RBMS3: variants seen among roughly 807,000 people sequenced by gnomAD.
The protein encoded by RBMS3 is RNA binding motif single stranded interacting protein 3.
Under a neutral mutation model 66.8 loss-of-function variants are expected in RBMS3, and 27 were observed. The observed-to-expected ratio is 0.40, with a 90% CI of 0.30 to 0.56. RBMS3 has a LOEUF of 0.56. Among genes scored for constraint, RBMS3 ranks in the 20% least tolerant of loss-of-function variants. The probability of loss-of-function intolerance (pLI) is 0.40; values close to 1 mark genes in which losing one functional copy is unlikely to be tolerated. For missense variants in RBMS3, 513 were observed against 549.5 expected (o/e 0.93, Z 0.66); for synonymous variants, 188 against 183.0 (o/e 1.03, Z -0.22).
At chr3:29,836,243 A>G (rs1576951225) in intron 6 of RBMS3, among the ~76,000 whole-genome samples, 1 of 152,092 alleles carries the variant, frequency 6.6e-6, no homozygotes, top group Non-Finnish European at 1.5e-5. Flanking sequence ...AAAGAGGATG[A>G]TGTATGTCCA....
chr3:29,677,730 T>C (rs1464049915), intron 4 of RBMS3, among the ~76,000 whole-genome samples: 1 of 152,146 alleles, frequency 6.6e-6, no homozygotes. Context: ...TTCTGGAAAA[T>C]AGGCCCTTTT....
chr3:29,668,987 C>A (rs1206148017), intron 4 of RBMS3, among the ~76,000 whole-genome samples: 4 of 152,308 alleles, frequency 2.6e-5, no homozygotes, highest in Middle Eastern at 3.4e-3. Flanking sequence ...TTGACTGATG[C>A]GTTTCCCACT....
chr3:29,746,913 A>G (rs1158024807), intron 5 of RBMS3, among the ~76,000 whole-genome samples: 2 of 152,192 alleles, frequency 1.3e-5, no homozygotes, highest in Non-Finnish European at 2.9e-5. Context: ...ATGCGGAGAG[A>G]GTTCTGAAAA....
intron 1 of RBMS3, among the ~76,000 whole-genome samples, chr3:29,288,693 T>A (rs905018696): frequency 6.6e-6 from 1 of 152,034 alleles, no homozygotes; most frequent in African/African-American, 2.4e-5. Context: ...TTTAGTTTCA[T>A]GAATGATTAT....
intron 4 of RBMS3, among the ~76,000 whole-genome samples, chr3:29,621,647 G>T (rs1295978955): frequency 6.6e-6 from 1 of 152,094 alleles, no homozygotes; most frequent in Non-Finnish European, 1.5e-5. Context: ...ATAATACCAA[G>T]TTCTAGAATG....
At chr3:29,464,461 G>A (rs1214607462) in intron 2 of RBMS3, among the ~76,000 whole-genome samples, 1 of 152,092 alleles carries the variant, frequency 6.6e-6, no homozygotes, top group Non-Finnish European at 1.5e-5. Flanking sequence ...TCAAATTTGA[G>A]TTTGAAGGGA....
chr3:29,376,132 C>T (rs1449807456), intron 1 of RBMS3, among the ~76,000 whole-genome samples: 1 of 138,088 alleles, frequency 7.2e-6, no homozygotes, highest in Non-Finnish European at 1.5e-5. Flanking sequence ...TAAGTGGGAG[C>T]TAAATGATGA....
chr3:29,606,848 CATCA>C (rs1158804662), intron 4 of RBMS3, among the ~76,000 whole-genome samples: 1 of 151,890 alleles, frequency 6.6e-6, no homozygotes, highest in Non-Finnish European at 1.5e-5. Context: ...AAATTCTATC[CATCA>C]ATGTGCTATT....
At chr3:29,906,216 CT>C (rs1412061978) in intron 10 of RBMS3, among the ~76,000 whole-genome samples, 1 of 151,920 alleles carries the variant, frequency 6.6e-6, no homozygotes. Context: ...TAGTTTTTTG[CT>C]GTGGCTATAA....
At chr3:29,319,974 G>A (rs570289446) in intron 1 of RBMS3, among the ~76,000 whole-genome samples, 7 of 152,108 alleles carry the variant, frequency 4.6e-5, no homozygotes, top group African/African-American at 1.7e-4. Context: ...CTGGAGCCGG[G>A]TTTTAAACCT....
intron 1 of RBMS3, among the ~76,000 whole-genome samples, chr3:29,327,910 T>C (rs2035432622): frequency 6.6e-6 from 1 of 152,190 alleles, no homozygotes; most frequent in Admixed American, 6.5e-5. Context: ...TGCTAGAATT[T>C]TTTGAGGATG....
At chr3:29,525,041 A>G (rs776573207) in intron 3 of RBMS3, among the ~76,000 whole-genome samples, 16 of 152,116 alleles carry the variant, frequency 1.1e-4, no homozygotes, top group Non-Finnish European at 1.8e-4. Context: ...GCTGCGGAGT[A>G]AGACGTTGTC....
chr3:29,856,342 A>G (rs2059076354), intron 6 of RBMS3, among the ~76,000 whole-genome samples: 1 of 152,178 alleles, frequency 6.6e-6, no homozygotes, highest in Non-Finnish European at 1.5e-5. Context: ...ATTAAGCAGG[A>G]AAAGAGAGAA....
intron 1 of RBMS3, among the ~76,000 whole-genome samples, chr3:29,293,540 A>G (rs989884579): frequency 1.8e-4 from 28 of 151,898 alleles, no homozygotes; most frequent in African/African-American, 6.0e-4. Context: ...AACATGGCCC[A>G]TAAAAGGCTA....
intron 1 of RBMS3, among the ~76,000 whole-genome samples, chr3:29,382,680 A>G (rs1246924975): frequency 6.6e-6 from 1 of 152,202 alleles, no homozygotes; most frequent in East Asian, 1.9e-4. Context: ...GTCATCTAAC[A>G]TCTTTCCAAT....
chr3:29,808,334 C>A (rs753963218), intron 6 of RBMS3, among the ~76,000 whole-genome samples: 2 of 151,942 alleles, frequency 1.3e-5, no homozygotes, highest in Non-Finnish European at 2.9e-5. Flanking sequence ...TTGGCTTCTT[C>A]TCTTTTTCTT....
chr3:29,840,239 G>A (rs1301516580), intron 6 of RBMS3, among the ~76,000 whole-genome samples: 1 of 151,584 alleles, frequency 6.6e-6, no homozygotes, highest in Non-Finnish European at 1.5e-5. Context: ...TGTTTATGTT[G>A]GTTATACACA....
At chr3:29,786,435 C>T (rs1371472925) in intron 6 of RBMS3, among the ~76,000 whole-genome samples, 1 of 152,166 alleles carries the variant, frequency 6.6e-6, no homozygotes, top group East Asian at 1.9e-4. Context: ...CATTAGGTGA[C>T]TTCAAACTAT....
intron 1 of RBMS3, among the ~76,000 whole-genome samples, chr3:29,298,375 T>G (rs2033433449): frequency 6.6e-6 from 1 of 151,970 alleles, no homozygotes; most frequent in African/African-American, 2.4e-5. Context: ...CAGTATCTAT[T>G]GAATAAAGAG....
Sources: gnomAD v4.1 joint callset for allele counts (sites outside exome capture counted in the v4.1 genomes callset) on GRCh38, gnomAD v4.1.1 for gene constraint, MANE v1.5 for transcripts, NCBI Gene and HGNC (gene_info 2026-07-23, HGNC 2026-07-21) for gene names.